MAP3K7CL: variants seen among roughly 807,000 people sequenced by gnomAD.
MAP3K7CL encodes MAP3K7 C-terminal like, also known as MAP3K7 C-terminal-like protein.
A neutral mutation model predicts 18.6 loss-of-function variants in MAP3K7CL; 16 were observed. The ratio of observed to expected loss-of-function variants is 0.86; its 90% CI spans 0.58 to 1.31. MAP3K7CL has a LOEUF of 1.31. MAP3K7CL is among the 50% of genes most tolerant of loss of function. The pLI, the probability that MAP3K7CL is intolerant of heterozygous loss-of-function variation, is 0.00. For missense variants in MAP3K7CL, 163 were observed against 174.4 expected, an observed-to-expected ratio of 0.93 and a Z score of 0.37; for synonymous variants, 65 against 66.8, an observed-to-expected ratio of 0.97 and a Z score of 0.13.
intron 4 of MAP3K7CL, chr21:29,092,608 G>C (rs1209620443): frequency 6.2e-7 from 1 of 1,611,238 alleles, no homozygotes; most frequent in Non-Finnish European, 8.5e-7. Flanking sequence ...CTTTCTGGAA[G>C]TCTCAGGTTC....
intron 2 of MAP3K7CL, chr21:29,145,505 T>C (rs1568960251): frequency 6.6e-6 from 1 of 152,214 alleles, no homozygotes; most frequent in Non-Finnish European, 1.5e-5. Flanking sequence ...AATCCAGTGA[T>C]TCATCATCCT....
intron 4 of MAP3K7CL, among the ~76,000 whole-genome samples, chr21:29,170,742 G>C (rs572645143): frequency 6.6e-6 from 1 of 151,516 alleles, no homozygotes; most frequent in South Asian, 2.1e-4. Context: ...AGGTTCCAGC[G>C]ATTCTCCTGC....
intron 1 of MAP3K7CL, among the ~76,000 whole-genome samples, chr21:29,091,254 TTA>T (rs1362516143): frequency 6.6e-6 from 1 of 152,202 alleles, no homozygotes; most frequent in East Asian, 1.9e-4. Flanking sequence ...CAGAAAATCT[TTA>T]TGACTAATTA....
intron 4 of MAP3K7CL, among the ~76,000 whole-genome samples, chr21:29,165,618 C>G (rs998438653): frequency 2.0e-4 from 31 of 152,354 alleles, no homozygotes; most frequent in African/African-American, 7.5e-4. Context: ...GTCTCCCAGG[C>G]TGCAGTGCAG....
chr21:29,139,845 A>G lies in MAP3K7CL; in HGVS notation c.70+6431A>G, dbSNP rs146274267. On this transcript the variant is annotated intron_variant, in intron 2 of 4. Coordinates refer to ENST00000399928, the MANE Select transcript of MAP3K7CL (RefSeq NM_001286620.2). ...GGTGACCGCCCGCCTTGGCCTCCCA[A>G]AGTGCTGGGATTACAGGAGTGAGCC... 5.7e-3 allele frequency among the ~76,000 whole-genome samples: 857 copies of G among 150,500 alleles called. 8 individuals carry two copies. Among genetic ancestry groups the G allele is most frequent in the African/African-American group, 0.02 (817 of 40,880 alleles).
chr21:29,080,165 G>A (rs1034312218), intron 1 of MAP3K7CL, among the ~76,000 whole-genome samples: 1 of 152,198 alleles, frequency 6.6e-6, no homozygotes, highest in Non-Finnish European at 1.5e-5. Context: ...CTCTCTTTCA[G>A]CAAAGATAGA....
chr21:29,130,635 T>C (rs993767886), upstream of MAP3K7CL: 8 of 985,326 alleles, frequency 8.1e-6, no homozygotes, highest in African/African-American at 1.4e-4. Flanking sequence ...TTGCTTTTTC[T>C]AGAAAGATGA....
At position 29,161,076 on chromosome 21, in the gene MAP3K7CL, C is replaced by T. The variant is rs2471946; in HGVS notation, c.248+1020C>T. ...CTATAATCCCAGCACTTTAGGAGGCCGAGGCTGGTAGATCACCTGAGGTCA... is the reference window on the plus strand; with the variant it reads ...CTATAATCCCAGCACTTTAGGAGGCTGAGGCTGGTAGATCACCTGAGGTCA... On this transcript the variant is annotated intron_variant, in intron 4 of 4. Transcript: ENST00000399928. Among the ~76,000 whole-genome samples, 559 of 152,182 alleles carry T rather than the reference C, an allele frequency of 3.7e-3. 5 individuals are homozygous for T. The highest frequency in any genetic ancestry group is 0.012 in the African/African-American group (518 of 41,528).
At chr21:29,159,809 A>T in intron 3 of MAP3K7CL, 132 bp from the exon 4 acceptor site, 1 of 627,838 alleles carries the variant, frequency 1.6e-6, no homozygotes, top group Non-Finnish European at 2.8e-6. Flanking sequence ...GTTGACTGAC[A>T]ATGCTGTTCT....
rs3746843 is a variant in MAP3K7CL at position 29,092,545 on chromosome 21, A to G, written c.334A>G (p.Ile112Val). Reference sequence around the variant, plus strand: ...GATGCTCACTCTGAAGCCAAAGTCTATTACTGTGCCCGTGGAAATCCCCAG... The same window carrying G: ...GATGCTCACTCTGAAGCCAAAGTCTGTTACTGTGCCCGTGGAAATCCCCAG... Residue 112 changes from isoleucine (I) to valine (V), a missense_variant, in exon 4 of 7, where the codon ATT (isoleucine) becomes GTT (valine). By Grantham distance (29) the Ile-to-Val change is conservative (BLOSUM62 3). Transcript: ENST00000286791. 4,821 of 1,614,180 alleles carry G rather than the reference A, an allele frequency of 3.0e-3. 120 individuals carry two copies. In the East Asian group the frequency reaches 0.066, roughly 22 times the overall value.
intron 4 of MAP3K7CL, 52 bp from the exon 5 acceptor site, chr21:29,174,660 T>G: frequency 6.3e-7 from 1 of 1,583,288 alleles, no homozygotes; most frequent in Non-Finnish European, 8.6e-7. Flanking sequence ...ATAATTTAAT[T>G]TGCTTGCATT....
chr21:29,115,461 A>C (rs966626120), intron 4 of MAP3K7CL, among the ~76,000 whole-genome samples: 2 of 152,202 alleles, frequency 1.3e-5, no homozygotes, highest in Non-Finnish European at 2.9e-5. Flanking sequence ...ATATCAGGGA[A>C]CTTAGCTATA....
intron 4 of MAP3K7CL, chr21:29,109,875 A>G (rs2146555931): frequency 6.3e-6 from 5 of 793,958 alleles, no homozygotes; most frequent in East Asian, 1.3e-4. Context: ...GGTATGTTGA[A>G]TTTGTCTTCT....
At chr21:29,133,212 C>T (rs774152834) in intron 1 of MAP3K7CL, 94 bp from the exon 2 acceptor site, 159 of 854,318 alleles carry the variant, frequency 1.9e-4, no homozygotes, top group Non-Finnish European at 2.4e-4. Flanking sequence ...TGCTTACTAA[C>T]CTTAATAACT....
upstream of MAP3K7CL, among the ~76,000 whole-genome samples, chr21:29,126,842 C>T (rs570678757): frequency 6.6e-6 from 1 of 152,224 alleles, no homozygotes; most frequent in East Asian, 1.9e-4. Flanking sequence ...GATTATTTTG[C>T]CGTCATGGAA....
chr21:29,172,483 A>G (rs1434242182), intron 4 of MAP3K7CL, among the ~76,000 whole-genome samples: 2 of 152,148 alleles, frequency 1.3e-5, no homozygotes, highest in East Asian at 1.9e-4. Flanking sequence ...GTGGCCTTCC[A>G]GTTTTCATCA....
upstream of MAP3K7CL, among the ~76,000 whole-genome samples, chr21:29,128,859 CA>C (rs1248486755): frequency 2.6e-5 from 4 of 151,972 alleles, no homozygotes; most frequent in Non-Finnish European, 5.9e-5. Flanking sequence ...AATTATAATG[CA>C]TTAGTAAGTT....
At chr21:29,078,494 G>A (rs1268108851) in intron 1 of MAP3K7CL, among the ~76,000 whole-genome samples, 1 of 152,110 alleles carries the variant, frequency 6.6e-6, no homozygotes, top group South Asian at 2.1e-4. Flanking sequence ...CGTGGCTTAG[G>A]GTGAAAGCAC....
In MAP3K7CL at chr21:29,174,161, G is replaced by T. The variant is rs749730732; in HGVS notation, c.249-551G>T. On this transcript the variant is annotated intron_variant, in intron 4 of 4. Transcript: ENST00000399928. ...CAGCATCAAATGTGGACACAGTTTTGTTAATTTGGGCTGCAATATATATGT... is the reference window on the plus strand; with the variant it reads ...CAGCATCAAATGTGGACACAGTTTTTTTAATTTGGGCTGCAATATATATGT... Among the ~76,000 whole-genome samples the T allele has an allele frequency of 3.9e-5, 6 of 152,276 alleles. No individual in the cohort carries two copies. In the East Asian group the frequency reaches 1.2e-3, roughly 29 times the overall value.
Sources: allele counts gnomAD v4.1 joint callset (sites outside exome capture counted in the v4.1 genomes callset), GRCh38; gene constraint gnomAD v4.1.1; transcripts MANE v1.5; gene names NCBI Gene and HGNC (gene_info 2026-07-23, HGNC 2026-07-21).